The following CDKL2 variants were observed in gnomAD, a reference collection of about 807,000 sequenced individuals.
CDKL2 encodes cyclin-dependent kinase-like 2.
A neutral mutation model predicts 63.9 loss-of-function variants in CDKL2; 64 were observed. The ratio of observed to expected loss-of-function variants is 1.00; its 90% CI spans 0.82 to 1.23. The LOEUF (loss-of-function observed/expected upper bound fraction) is 1.23, where lower values mean the gene tolerates loss of function less well. CDKL2 is among the 50% of genes most tolerant of loss of function. CDKL2 has a pLI of 0.00. For synonymous variants in CDKL2, 211 were observed against 229.2 expected, an observed-to-expected ratio of 0.92 and a Z score of 0.72; for missense variants, 656 against 668.0, an observed-to-expected ratio of 0.98 and a Z score of 0.20.
At chr4:75,589,440 GA>G (rs1161933060) in intron 12 of CDKL2, among the ~76,000 whole-genome samples, 2 of 150,644 alleles carry the variant, frequency 1.3e-5, no homozygotes, top group Non-Finnish European at 3.0e-5. Flanking sequence ...AAGTAGCTGG[GA>G]CTACAGGCGC....
At chr4:75,582,296 T>C (rs1165030156) in intron 12 of CDKL2, among the ~76,000 whole-genome samples, 1 of 152,130 alleles carries the variant, frequency 6.6e-6, no homozygotes, top group Non-Finnish European at 1.5e-5. Context: ...ATACTTGAAA[T>C]GAATGAAGGG....
intron 3 of CDKL2, among the ~76,000 whole-genome samples, chr4:75,613,245 G>A (rs1260369134): frequency 6.6e-6 from 1 of 152,124 alleles, no homozygotes; most frequent in Non-Finnish European, 1.5e-5. Context: ...CCTCTACTGA[G>A]CAATTTTTTT....
At chr4:75,610,262 C>T (rs1729633146) in intron 3 of CDKL2, among the ~76,000 whole-genome samples, 1 of 151,966 alleles carries the variant, frequency 6.6e-6, no homozygotes, top group African/African-American at 2.4e-5. Context: ...AGACCTGGGT[C>T]TAGTCCCTGG....
chr4:75,605,503 T>G lies in CDKL2; in HGVS notation c.655+19A>C, dbSNP rs766169130. The G allele has an allele frequency of 4.3e-6, 6 of 1,392,980 alleles. No individual in the cohort carries two copies. The South Asian group carries it at 7.3e-5, about 17-fold the overall frequency. The allele number at this position is 1,392,980 out of a possible 1,614,324, so 86.3% of individuals were successfully genotyped here. A position where few individuals can be genotyped will look rare whatever the true frequency, so the allele number is the denominator to read the frequency against. ...GCAGAAAAATCTCTAAAATTTAAAA[T>G]GCAGATGTGTAACCTTACCTAAACA... On this transcript the variant is annotated intron_variant, in intron 5 of 13. Coordinates refer to ENST00000307465, the MANE Select transcript of CDKL2 (RefSeq NM_001330724.2).
chr4:75,602,055 A>G (rs934087327), intron 6 of CDKL2, among the ~76,000 whole-genome samples: 1 of 152,232 alleles, frequency 6.6e-6, no homozygotes, highest in African/African-American at 2.4e-5. Flanking sequence ...AATCAAATAC[A>G]ACAAAAAAGT....
intron 2 of CDKL2, among the ~76,000 whole-genome samples, chr4:75,623,935 A>C (rs1424055152): frequency 6.6e-6 from 1 of 152,014 alleles, no homozygotes; most frequent in Non-Finnish European, 1.5e-5. Flanking sequence ...GGAGTTTGAG[A>C]CCAGCCTGGC....
chr4:75,600,464 AT>A (rs67518748), intron 6 of CDKL2, 95 bp from the exon 7 acceptor site: 216,327 of 636,478 alleles, frequency 0.34, 32,197 homozygotes, highest in East Asian at 0.72. Flanking sequence ...ATAGTCAACG[AT>A]TTTTTTTTTT....
intron 10 of CDKL2, among the ~76,000 whole-genome samples, chr4:75,594,482 A>AG (rs1326053977): frequency 7.9e-5 from 12 of 152,082 alleles, no homozygotes; most frequent in Non-Finnish European, 1.6e-4. Context: ...CTACTTGCAT[A>AG]GGAAGGAAAA....
intron 1 of CDKL2, among the ~76,000 whole-genome samples, chr4:75,626,374 G>A (rs1041318840): frequency 1.3e-5 from 2 of 152,098 alleles, no homozygotes; most frequent in Admixed American, 6.6e-5. Context: ...ACTTTAAAAA[G>A]CACAATTCCA....
At chr4:75,627,731 C>CTTTTTTTTT (rs57328528) in intron 1 of CDKL2, among the ~76,000 whole-genome samples, 207 of 85,932 alleles carry the variant, frequency 2.4e-3, no homozygotes, top group Non-Finnish European at 2.7e-3. Flanking sequence ...CTTTTTTTTT[C>CTTTTTTTTT]TTTTTTTTTT....
rs61087984 is a variant in CDKL2, at chr4:75,586,227, C to CT, written c.1648-4330dup. Among the ~76,000 whole-genome samples the CT allele has an allele frequency of 6.8e-4, 99 of 145,290 alleles. No homozygotes were observed. The East Asian group carries it at 9.3e-3, about 14-fold the overall frequency. On this transcript the variant is annotated intron_variant, in intron 12 of 13. Transcript: ENST00000307465. ...TTAGAAAACGTTTGGACTAACCTTT[C>CT]TTTTTTTTTTTTTTTTAAGATGGAG...
chr4:75,592,511 C>T (rs1728761012), intron 10 of CDKL2, among the ~76,000 whole-genome samples: 1 of 152,176 alleles, frequency 6.6e-6, no homozygotes, highest in South Asian at 2.1e-4. Context: ...TCTCCTTCTT[C>T]CTTTGCCAAT....
Position 75,605,635 on chromosome 4 carries a change from C to G in CDKL2, c.543-1G>C. On this transcript the variant is annotated splice_acceptor_variant, in intron 4 of 13. Transcript: ENST00000307465. LOFTEE classifies it high-confidence loss of function. ...ACCAATGGCCCACACATCAACAGCC[C>G]TGAAAGAAAAGCAATGTGGTGTAAA... is the stretch of plus-strand genomic sequence containing the variant. 6.2e-7 allele frequency: 1 copy of G among 1,605,784 alleles called. No homozygotes were observed. Among genetic ancestry groups the G allele is most frequent in the Non-Finnish European group, 8.5e-7 (1 of 1,172,708 alleles).
chr4:75,579,213 T>C (rs1189766812), intron 13 of CDKL2, 35 bp from the exon 14 acceptor site: 1 of 152,232 alleles, frequency 6.6e-6, no homozygotes, highest in East Asian at 1.9e-4. Flanking sequence ...CCAACTATTT[T>C]ACAAAAAATC....
chr4:75,618,598 T>A (rs1238074396), intron 2 of CDKL2, among the ~76,000 whole-genome samples: 1 of 152,116 alleles, frequency 6.6e-6, no homozygotes, highest in African/African-American at 2.4e-5. Flanking sequence ...AAAAATCTTC[T>A]TAAACATATA....
intron 12 of CDKL2, among the ~76,000 whole-genome samples, chr4:75,588,053 A>G (rs1168409469): frequency 6.6e-6 from 1 of 151,846 alleles, no homozygotes; most frequent in African/African-American, 2.4e-5. Context: ...CTTCTCTACT[A>G]AAAATACAAA....
intron 7 of CDKL2, 22 bp downstream of exon 7, chr4:75,600,259 A>G (rs1358823811): frequency 1.3e-6 from 2 of 1,539,048 alleles, no homozygotes; most frequent in Non-Finnish European, 1.8e-6. Context: ...TATGGCCTGA[A>G]AAACATGGGT....
intron 6 of CDKL2, among the ~76,000 whole-genome samples, chr4:75,601,079 A>C (rs1030227579): frequency 6.6e-6 from 1 of 152,222 alleles, no homozygotes; most frequent in Non-Finnish European, 1.5e-5. Flanking sequence ...AAAGAGATGA[A>C]GAGAAGCTTA....
intron 12 of CDKL2, among the ~76,000 whole-genome samples, chr4:75,583,225 T>C (rs539002529): frequency 2.2e-4 from 33 of 152,362 alleles, no homozygotes; most frequent in African/African-American, 7.2e-4. Flanking sequence ...TCTGGAGATA[T>C]GTAAATGTAG....
Sources: allele counts gnomAD v4.1 joint callset (sites outside exome capture counted in the v4.1 genomes callset), GRCh38; gene constraint gnomAD v4.1.1; transcripts MANE v1.5; gene names NCBI Gene and HGNC (gene_info 2026-07-23, HGNC 2026-07-21).